The following TCF4 variants were observed in gnomAD, a reference collection of about 807,000 sequenced individuals.
TCF4 encodes transcription factor 4.
A neutral mutation model predicts 82.1 loss-of-function variants in TCF4; 3 were observed. The observed-to-expected ratio is 0.04, with a 90% confidence interval of 0.02 to 0.09. The LOEUF is 0.09. Ranked by LOEUF, TCF4 falls within the 10% of genes least tolerant of loss-of-function variation. TCF4 has a pLI of 1.00. For missense variants in TCF4, 518 were observed against 852.7 expected, an observed-to-expected ratio of 0.61 and a Z score of 4.89; for synonymous variants, 276 against 309.6, an observed-to-expected ratio of 0.89 and a Z score of 1.14.
At chr18:55,401,049 T>G (rs2093785114) in intron 6 of TCF4, 1 of 1,289,118 alleles carries the variant, frequency 7.8e-7, no homozygotes, top group Non-Finnish European at 1.0e-6. Context: ...CTATTTAGAC[T>G]TGAAGCCCAA....
At chr18:55,394,213 T>C (rs1351788416) in intron 6 of TCF4, among the ~76,000 whole-genome samples, 1 of 152,188 alleles carries the variant, frequency 6.6e-6, no homozygotes, top group East Asian at 1.9e-4. Flanking sequence ...ATTATCATGG[T>C]ACAAATGAGC....
intron 2 of TCF4, among the ~76,000 whole-genome samples, chr18:55,607,031 T>G (rs1290940483): frequency 6.6e-6 from 1 of 152,152 alleles, no homozygotes; most frequent in Non-Finnish European, 1.5e-5. Context: ...CACCATATGT[T>G]CGGCAATACC....
intron 3 of TCF4, among the ~76,000 whole-genome samples, chr18:55,537,216 T>C (rs1000074735): frequency 6.6e-6 from 1 of 152,152 alleles, no homozygotes; most frequent in African/African-American, 2.4e-5. Context: ...TCACCAATGT[T>C]TGCAAAAACT....
chr18:55,232,346 A>G (rs1417066477), intron 17 of TCF4, 163 bp downstream of exon 17: 7 of 710,854 alleles, frequency 9.8e-6, no homozygotes. Flanking sequence ...GAGTACAGGT[A>G]TCTGAAACGA....
At chr18:55,245,290 C>A (rs534084932) in intron 15 of TCF4, among the ~76,000 whole-genome samples, 20 of 152,248 alleles carry the variant, frequency 1.3e-4, no homozygotes, top group African/African-American at 4.1e-4. Flanking sequence ...AACACAACGG[C>A]CATGGAATGT....
chr18:55,418,091 G>A (rs987352910), intron 5 of TCF4, among the ~76,000 whole-genome samples: 9 of 149,080 alleles, frequency 6.0e-5, no homozygotes, highest in African/African-American at 1.5e-4. Context: ...AATGATTATC[G>A]TTTAAGTATT....
At chr18:55,275,814 G>GT (rs1407656997) in intron 9 of TCF4, 62 bp from the exon 10 acceptor site, 1 of 1,606,112 alleles carries the variant, frequency 6.2e-7, no homozygotes, top group East Asian at 2.2e-5. Flanking sequence ...ATAGAATAGG[G>GT]TTTTTTCATA....
At chr18:55,322,433 A>G in intron 8 of TCF4, 1 of 998,652 alleles carries the variant, frequency 1.0e-6, no homozygotes, top group Non-Finnish European at 1.2e-6. Context: ...AAGAAAAAAA[A>G]AAAAAAAAAA....
At chr18:55,548,539 T>C (rs2097226960) in intron 3 of TCF4, among the ~76,000 whole-genome samples, 1 of 152,202 alleles carries the variant, frequency 6.6e-6, no homozygotes, top group Non-Finnish European at 1.5e-5. Context: ...ATTCTGCCCC[T>C]TGCAATAAAT....
intron 5 of TCF4, among the ~76,000 whole-genome samples, chr18:55,436,107 A>G (rs1417436576): frequency 1.3e-5 from 2 of 152,260 alleles, no homozygotes; most frequent in Admixed American, 6.5e-5. Context: ...AAATAAGCTT[A>G]CAAACAACAT....
chr18:55,613,314 C>T (rs1355732780), intron 2 of TCF4, among the ~76,000 whole-genome samples: 1 of 152,116 alleles, frequency 6.6e-6, no homozygotes, highest in African/African-American at 2.4e-5. Context: ...AGTCTGCTTT[C>T]TGCCACCATG....
intron 3 of TCF4, among the ~76,000 whole-genome samples, chr18:55,573,878 C>G (rs1321762427): frequency 6.6e-6 from 1 of 152,126 alleles, no homozygotes; most frequent in Non-Finnish European, 1.5e-5. Context: ...CAAAGTATTA[C>G]CTGACACATG....
intron 8 of TCF4, among the ~76,000 whole-genome samples, chr18:55,297,260 AT>A (rs1357392846): frequency 6.9e-6 from 1 of 145,072 alleles, no homozygotes; most frequent in African/African-American, 2.6e-5. Context: ...AATCCCCAAT[AT>A]TTTTTCCTCA....
intron 6 of TCF4, among the ~76,000 whole-genome samples, chr18:55,356,679 T>G (rs2083619488): frequency 6.6e-6 from 1 of 152,202 alleles, no homozygotes; most frequent in Non-Finnish European, 1.5e-5. Flanking sequence ...TCAAATATGG[T>G]TCAATTTTGT....
chr18:55,626,285 T>C (rs1179844124), intron 2 of TCF4, among the ~76,000 whole-genome samples: 1 of 152,210 alleles, frequency 6.6e-6, no homozygotes, highest in Non-Finnish European at 1.5e-5. Flanking sequence ...ATATTCACTA[T>C]CTTGAACTTA....
intron 6 of TCF4, among the ~76,000 whole-genome samples, chr18:55,389,287 ACT>A (rs2092876317): frequency 6.6e-6 from 1 of 152,122 alleles, no homozygotes; most frequent in South Asian, 2.1e-4. Context: ...CCATCCTGTG[ACT>A]CTGGAACAAG....
chr18:55,359,748 T>C (rs765565141), intron 6 of TCF4, among the ~76,000 whole-genome samples: 15 of 152,216 alleles, frequency 9.9e-5, no homozygotes, highest in Non-Finnish European at 2.2e-4. Context: ...AATTTGATCC[T>C]TAATATGCAA....
At chr18:55,233,995 T>C (rs947448578) in intron 16 of TCF4, among the ~76,000 whole-genome samples, 1 of 151,948 alleles carries the variant, frequency 6.6e-6, no homozygotes, top group Non-Finnish European at 1.5e-5. Context: ...ACTGAGAAGA[T>C]GTTATCTAAG....
intron 5 of TCF4, among the ~76,000 whole-genome samples, chr18:55,460,009 C>A (rs2095843113): frequency 1.3e-5 from 2 of 152,050 alleles, no homozygotes. Flanking sequence ...TCAAAGAATG[C>A]CTGAGATTCA....
Sources: allele counts gnomAD v4.1 joint callset (sites outside exome capture counted in the v4.1 genomes callset), GRCh38; gene constraint gnomAD v4.1.1; transcripts MANE v1.5; gene names NCBI Gene and HGNC (gene_info 2026-07-23, HGNC 2026-07-21).